Variants in ERC2 observed in about 807,000 individuals in gnomAD.
ERC2 encodes the protein ELKS/RAB6-interacting/CAST family member 2.
In ERC2, 42 loss-of-function variants were observed where a neutral mutation model predicts 114.8. That is an observed-to-expected ratio of 0.37 (90% CI 0.29 to 0.47). ERC2 has a LOEUF of 0.47. Among genes scored for constraint, ERC2 ranks in the 20% least tolerant of loss-of-function variants. The pLI, the probability that ERC2 is intolerant of heterozygous loss-of-function variation, is 0.99. For missense variants in ERC2, 939 were observed against 1,150.7 expected (o/e 0.82, Z 2.66); for synonymous variants, 454 against 425.5 (o/e 1.07, Z -0.82).
intron 6 of ERC2, among the ~76,000 whole-genome samples, chr3:56,122,247 T>A (rs868812552): frequency 6.6e-6 from 1 of 152,158 alleles, no homozygotes; most frequent in Non-Finnish European, 1.5e-5. Flanking sequence ...GGCAAATTAT[T>A]GTATTTCGTA....
chr3:56,246,254 G>C (rs538565730), intron 3 of ERC2, among the ~76,000 whole-genome samples: 2 of 152,206 alleles, frequency 1.3e-5, no homozygotes, highest in African/African-American at 4.8e-5. Flanking sequence ...ATTGACATTA[G>C]AGACCAGATA....
chr3:55,558,451 T>C (rs36039042), intron 17 of ERC2, among the ~76,000 whole-genome samples: 30,851 of 152,114 alleles, frequency 0.2, 3,216 homozygotes, highest in Middle Eastern at 0.27. Flanking sequence ...ACATCTGTGG[T>C]TTCAAAGATG....
At chr3:56,407,241 G>A (rs1361962347) in intron 2 of ERC2, among the ~76,000 whole-genome samples, 4 of 152,100 alleles carry the variant, frequency 2.6e-5, no homozygotes, top group Non-Finnish European at 5.9e-5. Flanking sequence ...TTAAAGCTTA[G>A]AAGATCAAAA....
At chr3:55,676,441 C>CTTATTATTATTATTA (rs71619901) in intron 17 of ERC2, among the ~76,000 whole-genome samples, 67 of 142,198 alleles carry the variant, frequency 4.7e-4, no homozygotes, top group Non-Finnish European at 5.3e-4. Context: ...TACTGAGCTG[C>CTTATTATTATTATTA]TTATTATTAT....
chr3:55,827,980 C>T (rs942990417), intron 14 of ERC2, among the ~76,000 whole-genome samples: 2 of 152,234 alleles, frequency 1.3e-5, no homozygotes, highest in Non-Finnish European at 2.9e-5. Flanking sequence ...GCCACTGCGG[C>T]CAAGCCGATG....
At chr3:55,597,274 G>T (rs1468710046) in intron 17 of ERC2, among the ~76,000 whole-genome samples, 1 of 151,982 alleles carries the variant, frequency 6.6e-6, no homozygotes, top group Non-Finnish European at 1.5e-5. Context: ...CAAAAAATTA[G>T]CCGGGTGTGG....
intron 1 of ERC2, among the ~76,000 whole-genome samples, chr3:56,464,885 A>AG (rs2063472728): frequency 6.6e-6 from 1 of 150,646 alleles, no homozygotes; most frequent in South Asian, 2.3e-4. Context: ...AAAAGAAAAA[A>AG]GAAAAAAAAA....
chr3:55,883,545 C>CAA (rs939881077), intron 14 of ERC2, among the ~76,000 whole-genome samples: 1 of 121,676 alleles, frequency 8.2e-6, no homozygotes, highest in African/African-American at 3.5e-5. Flanking sequence ...AACATACACA[C>CAA]ACACACACAC....
intron 3 of ERC2, among the ~76,000 whole-genome samples, chr3:56,262,329 A>G (rs1013013632): frequency 6.6e-6 from 1 of 152,218 alleles, no homozygotes; most frequent in Non-Finnish European, 1.5e-5. Context: ...ATGAAGGTGA[A>G]GTTGTGGGGG....
At chr3:56,134,159 T>C (rs924051165) in intron 6 of ERC2, among the ~76,000 whole-genome samples, 2 of 152,238 alleles carry the variant, frequency 1.3e-5, no homozygotes, top group Non-Finnish European at 2.9e-5. Flanking sequence ...ATAGACACTT[T>C]GAACAGTTGC....
intron 14 of ERC2, among the ~76,000 whole-genome samples, chr3:55,849,696 G>A (rs2061496675): frequency 6.6e-6 from 1 of 152,132 alleles, no homozygotes; most frequent in African/African-American, 2.4e-5. Context: ...GGACTAAGTT[G>A]AGGGAAAAAT....
chr3:55,572,198 A>G (rs2056752145), intron 17 of ERC2, among the ~76,000 whole-genome samples: 1 of 152,136 alleles, frequency 6.6e-6, no homozygotes. Flanking sequence ...TTATGGTTCC[A>G]TCCTGGCTGC....
chr3:55,811,242 A>G (rs2059710649), intron 14 of ERC2, among the ~76,000 whole-genome samples: 1 of 152,220 alleles, frequency 6.6e-6, no homozygotes, highest in Non-Finnish European at 1.5e-5. Context: ...TGAACTTTTA[A>G]GAGTAAATGT....
intron 4 of ERC2, among the ~76,000 whole-genome samples, chr3:56,169,729 A>G (rs1300610868): frequency 1.3e-5 from 2 of 151,890 alleles, no homozygotes; most frequent in African/African-American, 4.8e-5. Context: ...ATTTTCCTTC[A>G]CTTAAAATTT....
At chr3:56,068,772 T>C (rs2076594510) in intron 7 of ERC2, among the ~76,000 whole-genome samples, 1 of 152,082 alleles carries the variant, frequency 6.6e-6, no homozygotes, top group Non-Finnish European at 1.5e-5. Flanking sequence ...TTCAAAGAAC[T>C]TGGTTTCTGC....
At chr3:56,396,862 G>A (rs1225612969) in intron 2 of ERC2, among the ~76,000 whole-genome samples, 1 of 152,118 alleles carries the variant, frequency 6.6e-6, no homozygotes. Flanking sequence ...ACTAGGAATA[G>A]TGGCTGCTTC....
At chr3:55,767,697 A>C (rs1273005573) in intron 14 of ERC2, among the ~76,000 whole-genome samples, 1 of 152,224 alleles carries the variant, frequency 6.6e-6, no homozygotes, top group Non-Finnish European at 1.5e-5. Flanking sequence ...CTCCGGGAGT[A>C]CACTAAAGGG....
chr3:56,058,535 A>G (rs1300301370), intron 7 of ERC2, among the ~76,000 whole-genome samples: 3 of 152,208 alleles, frequency 2.0e-5, no homozygotes, highest in Non-Finnish European at 4.4e-5. Flanking sequence ...GTCAAGCATT[A>G]TTGTGGATGT....
intron 7 of ERC2, among the ~76,000 whole-genome samples, chr3:56,025,568 C>A (rs924981897): frequency 6.6e-6 from 1 of 152,184 alleles, no homozygotes; most frequent in Admixed American, 6.5e-5. Context: ...TTAAAACCAG[C>A]AACCAAGCAT....
Sources: allele counts gnomAD v4.1 joint callset (sites outside exome capture counted in the v4.1 genomes callset), GRCh38; gene constraint gnomAD v4.1.1; transcripts MANE v1.5; gene names NCBI Gene and HGNC (gene_info 2026-07-23, HGNC 2026-07-21).